Variants in MATN4 observed in about 807,000 individuals in gnomAD.
The protein encoded by MATN4 is matrilin-4.
Under a neutral mutation model 54.6 loss-of-function variants are expected in MATN4, and 40 were observed. The observed-to-expected ratio is 0.73, with a 90% CI of 0.57 to 0.95. The LOEUF is 0.95. Ranked by LOEUF, MATN4 falls within the 40% of genes least tolerant of loss-of-function variation. The pLI is 0.00. For missense variants in MATN4, 810 were observed against 819.1 expected, an observed-to-expected ratio of 0.99 and a Z score of 0.13; for synonymous variants, 351 against 345.3, an observed-to-expected ratio of 1.02 and a Z score of -0.18.
At chr20:45,305,691 G>C in intron 1 of MATN4, 75 bp from the exon 2 acceptor site, 1 of 655,262 alleles carries the variant, frequency 1.5e-6, no homozygotes, top group Non-Finnish European at 2.7e-6. Context: ...CACTTGGAGG[G>C]GGAAGACAGT....
intron 8 of MATN4, among the ~76,000 whole-genome samples, chr20:45,294,524 C>G (rs751221197): frequency 1.3e-5 from 2 of 152,266 alleles, no homozygotes; most frequent in Non-Finnish European, 2.9e-5. Context: ...CTGTCCAAAG[C>G]AGTAGCTACA....
At position 45,293,778 on chromosome 20, in the gene MATN4, TG is replaced by T; in HGVS notation, c.1734del (p.Asn579ThrfsTer62). ...GCCGTCCGTGGCCCTCACTTCTGGT[TG>T]GCCAGCTGGTTCTCCAGATCCTCCA... ...ARLEDLENQL[A>X]NQK On this transcript the variant is annotated frameshift_variant, in exon 10 of 10. Transcript: ENST00000372756. LOFTEE classifies it high-confidence loss of function. 6.2e-7 allele frequency: 1 copy of T among 1,608,910 alleles called. No individual in the cohort carries two copies. Among genetic ancestry groups the T allele is most frequent in the Non-Finnish European group, 8.5e-7 (1 of 1,179,686 alleles).
Position 45,304,601 on chromosome 20 carries a change from C to T in MATN4, c.270G>A (p.Ala90=). Residue 90 remains alanine (A), a synonymous_variant, in exon 3 of 10, where the codon GCG becomes GCA. Transcript: ENST00000372756. The part of the protein sequence containing the change: ...SQVQSVFPLR[A]FSRREDMERA... ...GCTCCATGTCCTCGCGGCGAGAGAA[C>T]GCGCGGAGAGGGAAGACGCTCTGCA... The T allele has an allele frequency of 6.3e-7, 1 of 1,599,676 alleles. No homozygotes were observed. Among genetic ancestry groups the T allele is most frequent in the Non-Finnish European group, 8.6e-7 (1 of 1,168,696 alleles).
chr20:45,299,898 A>AAAAG (rs60963790), intron 6 of MATN4, among the ~76,000 whole-genome samples: 1,625 of 98,702 alleles, frequency 0.016, 254 homozygotes, highest in African/African-American at 0.045. Context: ...AAAAAAAAAA[A>AAAAG]AGTCGAAGAG....
Position 45,298,245 on chromosome 20 carries a change from G to A in MATN4, c.1351C>T (p.Arg451Cys), listed in dbSNP as rs778298691. The change falls in exon 7 of 10, where the codon CGT (arginine) becomes TGT (cysteine). Residue 451 changes from arginine (R) to cysteine (C), a missense_variant. By Grantham distance (180) the Arg-to-Cys change is radical. Transcript: ENST00000372756. The surrounding 1 kb of genome is among the most constrained non-coding windows in gnomAD (Gnocchi z 4.6). Reference protein sequence around the residue: ...GARPRALNVPRVGLVFTDGRS... With the variant: ...GARPRALNVPCVGLVFTDGRS... ...CCATCCGTGAAGACCAGGCCAACAC[G>A]AGGCACGTTAAGGGCACGGGGCCGT... The A allele has an allele frequency of 1.2e-6, 2 of 1,611,834 alleles. No individual in the cohort carries two copies. The highest frequency in any genetic ancestry group is 1.1e-5 in the South Asian group (1 of 91,000).
Position 45,297,932 on chromosome 20 carries a change from C to T in MATN4, c.1565G>A (p.Gly522Asp). Residue 522 changes from glycine (G) to aspartate (D), a missense_variant, in exon 8 of 10, where the codon GGC becomes GAC. By Grantham distance (94) the Gly-to-Asp change is moderately conservative. Coordinates refer to ENST00000372756, the MANE Select transcript of MATN4 (RefSeq NM_001393530.1). ...TMTHLLENLRGSICPEEGISA... is the reference protein window; with the variant it reads ...TMTHLLENLRDSICPEEGISA... ...GATGCGCTCACCTGGACAGATGCTGCCTCTGAGGTTCTCCAGCAGGTGCGT... is the reference window on the plus strand; with the variant it reads ...GATGCGCTCACCTGGACAGATGCTGTCTCTGAGGTTCTCCAGCAGGTGCGT... 6.2e-7 allele frequency: 1 copy of T among 1,614,186 alleles called. No individual in the cohort carries two copies. The highest frequency in any genetic ancestry group is 8.5e-7 in the Non-Finnish European group (1 of 1,180,046).
rs79233317 is a variant in MATN4 at position 45,300,613 on chromosome 20, C to T, written c.1012+274G>A. On this transcript the variant is annotated intron_variant, in intron 6 of 9. Transcript: ENST00000372756. Reference sequence around the variant, plus strand: ...AATACTTAGGGGTAAGTCATTTGATCTTTCTCCTGTAGTCATTGGTGAGCC... The same window carrying T: ...AATACTTAGGGGTAAGTCATTTGATTTTTCTCCTGTAGTCATTGGTGAGCC... Among the ~76,000 whole-genome samples the T allele has an allele frequency of 1.6e-3, 238 of 152,022 alleles. No homozygotes were observed. The East Asian group carries it at 0.024, about 15-fold the overall frequency.
chr20:45,293,714 GGGCACCGTCCGT>G lies in MATN4; in HGVS notation c.*41_*52del, dbSNP rs1985616983. ...CCCCGGCGCACCGATGGCGCGCAAG[GGGCACCGTCCGT>G]GGTGCCGCGCCCCAGCCCGGGTCTG... On this transcript the variant is annotated 3_prime_UTR_variant, in exon 10 of 10. Coordinates refer to ENST00000372756, the MANE Select transcript of MATN4 (RefSeq NM_001393530.1). The G allele has an allele frequency of 3.3e-6, 5 of 1,510,696 alleles. No homozygotes were observed. The South Asian group carries it at 6.0e-5, about 18-fold the overall frequency. The allele number at this position is 1,510,696 out of a possible 1,614,324, so 93.6% of individuals were successfully genotyped here.
In MATN4 at chr20:45,293,627, C is replaced by T; in HGVS notation, c.*140G>A. The T allele has an allele frequency of 4.0e-6, 3 of 750,330 alleles. No individual in the cohort carries two copies. The highest frequency in any genetic ancestry group is 3.4e-5 in the Admixed American group (1 of 29,416). The allele number at this position is 750,330 out of a possible 1,614,324, so 46.5% of individuals were successfully genotyped here. ...GGGCGAGGCCAACTCAGCTCAATGC[C>T]GGAAGCCCGCCAGCGCCTCCGCCCC... On this transcript the variant is annotated 3_prime_UTR_variant, in exon 10 of 10. Transcript: ENST00000372756.
intron 1 of MATN4, among the ~76,000 whole-genome samples, chr20:45,305,854 A>G (rs1986621898): frequency 2.1e-5 from 2 of 96,880 alleles, no homozygotes; most frequent in South Asian, 7.4e-4. Flanking sequence ...TCCCGGCTGG[A>G]GTGCAGTGGC....
At position 45,301,191 on chromosome 20, in the gene MATN4, C is replaced by G. The variant is rs1986206788; in HGVS notation, c.800G>C (p.Cys267Ser). 6.2e-7 allele frequency: 1 copy of G among 1,614,194 alleles called. No individual in the cohort carries two copies. The highest frequency in any genetic ancestry group is 8.5e-7 in the Non-Finnish European group (1 of 1,180,036). ...AGGGGTGCTAACACACTCATGCTGA[C>G]AGCTATGGTTCCCAAAGCTGCAGTA... The part of the protein sequence containing the change: ...IDYCSFGNHS[C>S]QHECVSTPGG... The change falls in exon 5 of 10, where the codon TGT becomes TCT. Residue 267 changes from cysteine (C) to serine (S), a missense_variant. By Grantham distance (112) the Cys-to-Ser change is moderately radical (BLOSUM62 -1). Coordinates refer to ENST00000372756, the MANE Select transcript of MATN4 (RefSeq NM_001393530.1).
At chr20:45,307,625 G>A (rs2741502) in intron 1 of MATN4, among the ~76,000 whole-genome samples, 30,398 of 152,104 alleles carry the variant, frequency 0.2, 3,186 homozygotes, top group Middle Eastern at 0.29. Context: ...TCCCATTCTT[G>A]GTCTGAGCCA....
rs758862822 is a variant in MATN4 at position 45,301,143 on chromosome 20, C to G, written c.848G>C (p.Arg283Thr). ...ATCAGGCTGCAAGTCATGGCCCTCT[C>G]TGCAGTGGCACCGTGGCCCACCAGG... is the stretch of plus-strand genomic sequence containing the variant. Reference protein sequence around the residue: ...STPGGPRCHCREGHDLQPDGR... With the variant: ...STPGGPRCHCTEGHDLQPDGR... Residue 283 changes from arginine (R) to threonine (T), a missense_variant, in exon 5 of 10, where the codon AGA (arginine) becomes ACA (threonine). Coordinates refer to ENST00000372756, the MANE Select transcript of MATN4 (RefSeq NM_001393530.1). The G allele has an allele frequency of 3.7e-6, 6 of 1,614,122 alleles. No homozygotes were observed. The African/African-American group carries it at 5.3e-5, about 14-fold the overall frequency.
rs1311793292 is a variant in MATN4 at position 45,304,265 on chromosome 20, G to A, written c.606C>T (p.Ile202=). The change falls in exon 3 of 10, where the codon ATC becomes ATT. Residue 202 remains isoleucine, a synonymous_variant. Transcript: ENST00000372756. ...TCTGGAACTGCAGGCCGAACTCCTG[G>A]ATGAGGTCGAAGGACTCTACGAGGA... The part of the protein sequence containing the change: ...HVFLVESFDL[I]QEFGLQFQSR... 2 of 1,546,154 alleles carry A rather than the reference G, an allele frequency of 1.3e-6. No individual in the cohort carries two copies. The highest frequency in any genetic ancestry group is 8.7e-7 in the Non-Finnish European group (1 of 1,150,510).
Position 45,301,184 on chromosome 20 carries a change from A to AGGGAACCAG in MATN4, c.806_807insCTGGTTCCC (p.His269_Glu270insTrpPhePro). On this transcript the variant is annotated inframe_insertion, in exon 5 of 10. Coordinates refer to ENST00000372756, the MANE Select transcript of MATN4 (RefSeq NM_001393530.1). Reference sequence around the variant, plus strand: ...GCCCACCAGGGGTGCTAACACACTCATGCTGACAGCTATGGTTCCCAAAGC... The same window carrying AGGGAACCAG: ...GCCCACCAGGGGTGCTAACACACTCAGGGAACCAGTGCTGACAGCTATGGTTCCCAAAGC... 1 of 1,614,128 alleles carries AGGGAACCAG rather than the reference A, an allele frequency of 6.2e-7. No homozygotes were observed. The highest frequency in any genetic ancestry group is 8.5e-7 in the Non-Finnish European group (1 of 1,180,006).
chr20:45,298,606 A>G lies in MATN4; in HGVS notation c.1013-23T>C, dbSNP rs1274218457. ...ACCCTGCACAGCCAGAAAAGCTTGA[A>G]TTGAGGGACCAGATTCTGGACTGGC... On this transcript the variant is annotated intron_variant, in intron 6 of 9. Transcript: ENST00000372756. This position sits in a 1 kb window ranked among gnomAD's most constrained non-coding sequence, Gnocchi z 4.6. The G allele has an allele frequency of 2.0e-6, 3 of 1,513,530 alleles. No individual in the cohort carries two copies. In the African/African-American group the frequency reaches 4.2e-5, roughly 21 times the overall value. 93.8% of individuals were successfully genotyped at this position (1,513,530 alleles called of 1,614,324 possible).
intron 8 of MATN4, among the ~76,000 whole-genome samples, chr20:45,297,229 G>T (rs1266792122): frequency 1.3e-5 from 2 of 151,840 alleles, no homozygotes; most frequent in African/African-American, 4.8e-5. Context: ...TAAATGGGAA[G>T]AAGAGTCACA....
chr20:45,298,439 A>G lies in MATN4; in HGVS notation c.1157T>C (p.Leu386Pro), dbSNP rs745619614. Residue 386 changes from leucine to proline, a missense_variant, in exon 7 of 10, where the codon CTG becomes CCG. By Grantham distance (98) the Leu-to-Pro change is moderately conservative (BLOSUM62 -3). Coordinates refer to ENST00000372756, the MANE Select transcript of MATN4 (RefSeq NM_001393530.1). This position sits in a 1 kb window ranked among gnomAD's most constrained non-coding sequence, Gnocchi z 4.6. Reference protein sequence around the residue: ...DVSPEGTRVGLVQFSSRVRTE... With the variant: ...DVSPEGTRVGPVQFSSRVRTE... Reference sequence around the variant, plus strand: ...GCGCACGCGGCTCGAGAACTGCACCAGCCCCACCCGCGTGCCCTCGGGGGA... The same window carrying G: ...GCGCACGCGGCTCGAGAACTGCACCGGCCCCACCCGCGTGCCCTCGGGGGA... 1 of 1,613,688 alleles carries G rather than the reference A, an allele frequency of 6.2e-7. No individual in the cohort carries two copies. The highest frequency in any genetic ancestry group is 8.5e-7 in the Non-Finnish European group (1 of 1,180,006).
chr20:45,303,440 A>C (rs1986369084), intron 3 of MATN4: 2 of 717,314 alleles, frequency 2.8e-6, no homozygotes, highest in East Asian at 2.7e-5. Flanking sequence ...TTGCAGGTGC[A>C]GTGGAACATG....
Sources: gnomAD v4.1 joint callset for allele counts (sites outside exome capture counted in the v4.1 genomes callset) on GRCh38, gnomAD v4.1.1 for gene constraint, Gnocchi (gnomAD v3.1) non-coding constraint, MANE v1.5 for transcripts, NCBI Gene and HGNC (gene_info 2026-07-23, HGNC 2026-07-21) for gene names.